Variants in RUBCN observed in about 807,000 individuals in gnomAD.
RUBCN encodes rubicon autophagy regulator.
A neutral mutation model predicts 113.2 loss-of-function variants in RUBCN; 74 were observed. That is an observed-to-expected ratio of 0.65 (90% CI 0.54 to 0.79). The LOEUF is 0.79. Among genes scored for constraint, RUBCN ranks in the 30% least tolerant of loss-of-function variants. The pLI, the probability that RUBCN is intolerant of heterozygous loss-of-function variation, is 0.00. For missense variants in RUBCN, 1,109 were observed against 1,251.7 expected, an observed-to-expected ratio of 0.89 and a Z score of 1.72; for synonymous variants, 480 against 490.0, an observed-to-expected ratio of 0.98 and a Z score of 0.27.
At position 197,682,458 on chromosome 3, in the gene RUBCN, C is replaced by A. The variant is rs2108852156; in HGVS notation, c.2126+12G>T. 6.2e-7 allele frequency: 1 copy of A among 1,614,152 alleles called. No individual in the cohort carries two copies. The highest frequency in any genetic ancestry group is 2.2e-5 in the East Asian group (1 of 44,878). ...ATCTGTGCTCCAAAGGGCACAGACA[C>A]TGGCCACTCACGTTGGGGCTGGATG... On this transcript the variant is annotated intron_variant, in intron 14 of 19. Transcript: ENST00000296343.
At chr3:197,726,160 T>C (rs1013011998) in intron 1 of RUBCN, among the ~76,000 whole-genome samples, 3 of 152,258 alleles carry the variant, frequency 2.0e-5, no homozygotes, top group African/African-American at 4.8e-5. Context: ...TTTAAGACTG[T>C]TGTTTAATAT....
intron 9 of RUBCN, among the ~76,000 whole-genome samples, 159 bp from the exon 10 acceptor site, chr3:197,694,744 A>G (rs935572176): frequency 2.4e-4 from 37 of 152,160 alleles, no homozygotes; most frequent in Non-Finnish European, 4.9e-4. Flanking sequence ...GATGGCTGGA[A>G]AACCTATTCT....
intron 11 of RUBCN, among the ~76,000 whole-genome samples, chr3:197,685,536 ACTT>A (rs1721743515): frequency 6.6e-6 from 1 of 152,206 alleles, no homozygotes; most frequent in Non-Finnish European, 1.5e-5. Context: ...GCTCTAAAAT[ACTT>A]AACACAGGGC....
At chr3:197,714,583 A>G (rs1038020038) in intron 2 of RUBCN, among the ~76,000 whole-genome samples, 1 of 152,192 alleles carries the variant, frequency 6.6e-6, no homozygotes, top group Non-Finnish European at 1.5e-5. Flanking sequence ...TCCTGCCTCA[A>G]CTTCCCGAAG....
At position 197,674,435 on chromosome 3, in the gene RUBCN, C is replaced by A; in HGVS notation, c.*583G>T. 2.7e-6 allele frequency: 1 copy of A among 375,464 alleles called. No individual in the cohort carries two copies. Among genetic ancestry groups the A allele is most frequent in the South Asian group, 2.2e-5 (1 of 45,794 alleles). The allele number at this position is 375,464 out of a possible 1,614,324, so 23.3% of individuals were successfully genotyped here. ...GCTGCCTCTGAGGTCTCTGAGGAGTCTAGGATAGTCAGGATTGTTCTGTGG... is the reference window on the plus strand; with the variant it reads ...GCTGCCTCTGAGGTCTCTGAGGAGTATAGGATAGTCAGGATTGTTCTGTGG... On this transcript the variant is annotated 3_prime_UTR_variant, in exon 20 of 20. Coordinates refer to ENST00000296343, the MANE Select transcript of RUBCN (RefSeq NM_014687.4).
chr3:197,738,493 T>C (rs999462018), upstream of RUBCN, among the ~76,000 whole-genome samples: 1 of 152,194 alleles, frequency 6.6e-6, no homozygotes, highest in Admixed American at 6.6e-5. Context: ...GTTAAAAAAA[T>C]ACTCTCTTTC....
At position 197,681,257 on chromosome 3, in the gene RUBCN, A is replaced by C; in HGVS notation, c.2302T>G (p.Phe768Val). 1.2e-6 allele frequency: 2 copies of C among 1,614,152 alleles called. No homozygotes were observed. Among genetic ancestry groups the C allele is most frequent in the Middle Eastern group, 1.6e-4 (1 of 6,062 alleles). ...AAGTTGCTGACGTAGTACTTGCTGA[A>C]GTCCCACTTGCGCAGAACCCGGCTG... ...IPSRVLRKWDFSKYYVSNFSK... is the reference protein window; with the variant it reads ...IPSRVLRKWDVSKYYVSNFSK... The change falls in exon 16 of 20, where the codon TTC becomes GTC. Residue 768 changes from phenylalanine (F) to valine (V), a missense_variant. Phe to Val is a conservative substitution (Grantham distance 50). Around this residue, in one of 3 missense-constraint regions of RUBCN, gnomAD observed 306 missense variants for 348.9 expected, o/e 0.88. Coordinates refer to ENST00000296343, the MANE Select transcript of RUBCN (RefSeq NM_014687.4). The surrounding 1 kb of genome is among the most constrained non-coding windows in gnomAD (Gnocchi z 5.5).
At position 197,672,954 on chromosome 3, in the gene RUBCN, G is replaced by T. The variant is rs938608003; in HGVS notation, c.*2064C>A. 6.6e-6 allele frequency: 1 copy of T among 152,370 alleles called. No homozygotes were observed. The highest frequency in any genetic ancestry group is 1.5e-5 in the Non-Finnish European group (1 of 68,158). 9.4% of individuals were successfully genotyped at this position (152,370 alleles called of 1,614,324 possible). On this transcript the variant is annotated 3_prime_UTR_variant, in exon 20 of 20. Coordinates refer to ENST00000296343, the MANE Select transcript of RUBCN (RefSeq NM_014687.4). Reference sequence around the variant, plus strand: ...GATCCGCCCGCACTGGCCTCCCAAAGTGCTGGGATTACAGGTGTGAGCCAC... The same window carrying T: ...GATCCGCCCGCACTGGCCTCCCAAATTGCTGGGATTACAGGTGTGAGCCAC...
At chr3:197,696,466 G>A (rs150930873) in intron 8 of RUBCN, among the ~76,000 whole-genome samples, 60 of 152,088 alleles carry the variant, frequency 3.9e-4, no homozygotes, top group African/African-American at 1.3e-3. Flanking sequence ...AATAAACAGA[G>A]AGAATCCTTC....
rs934654159 is a variant in RUBCN at position 197,675,283 on chromosome 3, G to A, written c.2741-87C>T. The A allele has an allele frequency of 4.5e-6, 7 of 1,560,484 alleles. No individual in the cohort carries two copies. In the Admixed American group the frequency reaches 5.0e-5, roughly 11 times the overall value. On this transcript the variant is annotated intron_variant, in intron 19 of 19. Transcript: ENST00000296343. The surrounding 1 kb of genome is among the most constrained non-coding windows in gnomAD (Gnocchi z 4.4). Reference sequence around the variant, plus strand: ...TCAGTTGCTGCCACAGCCCCTTCTCGCCACCAAGGCGTGGTGTCCCCTGGG... The same window carrying A: ...TCAGTTGCTGCCACAGCCCCTTCTCACCACCAAGGCGTGGTGTCCCCTGGG...
intron 11 of RUBCN, among the ~76,000 whole-genome samples, chr3:197,690,835 A>C (rs896563662): frequency 6.6e-6 from 1 of 152,224 alleles, no homozygotes; most frequent in Non-Finnish European, 1.5e-5. Context: ...ATAGGGAAGG[A>C]TCACCAAGGA....
intron 1 of RUBCN, among the ~76,000 whole-genome samples, chr3:197,722,124 T>A (rs1726238786): frequency 6.6e-6 from 1 of 151,746 alleles, no homozygotes; most frequent in Non-Finnish European, 1.5e-5. Context: ...GTGCATGTAA[T>A]CCCAGCTACA....
chr3:197,702,733 A>G (rs142999066), intron 5 of RUBCN, among the ~76,000 whole-genome samples: 83 of 152,288 alleles, frequency 5.5e-4, no homozygotes, highest in African/African-American at 1.9e-3. Context: ...TGCTTCTCTA[A>G]GAAGTGGGGA....
upstream of RUBCN, among the ~76,000 whole-genome samples, chr3:197,739,769 G>A (rs1728448261): frequency 6.6e-6 from 1 of 152,202 alleles, no homozygotes; most frequent in South Asian, 2.1e-4. Flanking sequence ...CAGAAGCGGT[G>A]GCTCACGCCT....
chr3:197,701,654 T>C (rs1469579204), intron 6 of RUBCN, 54 bp downstream of exon 6: 1 of 1,568,394 alleles, frequency 6.4e-7, no homozygotes, highest in African/African-American at 1.4e-5. Context: ...CAAAGTCTTC[T>C]TACTTTCCAG....
In RUBCN at chr3:197,717,975, A is replaced by C; in HGVS notation, c.219+2T>G. 1 of 1,613,640 alleles carries C rather than the reference A, an allele frequency of 6.2e-7. No homozygotes were observed. Among genetic ancestry groups the C allele is most frequent in the Non-Finnish European group, 8.5e-7 (1 of 1,180,034 alleles). ...TCTGGCAAAAAAAGGAGTTCTGCAT[A>C]CCTGGTCACGGATAAGCCCGTGATA... On this transcript the variant is annotated splice_donor_variant, in intron 2 of 19. Transcript: ENST00000296343. LOFTEE classifies it high-confidence loss of function.
intron 12 of RUBCN, 33 bp downstream of exon 12, chr3:197,684,124 C>T: frequency 6.5e-7 from 1 of 1,540,466 alleles, no homozygotes; most frequent in South Asian, 1.1e-5. Context: ...CTAAGGTTTT[C>T]TTTTCTTTTT....
chr3:197,697,102 T>C, intron 7 of RUBCN, 53 bp from the exon 8 acceptor site: 2 of 895,594 alleles, frequency 2.2e-6, no homozygotes, highest in Non-Finnish European at 3.8e-6. Flanking sequence ...GAGCAACAGG[T>C]ACATTCCCAA....
chr3:197,726,175 T>C (rs1306163471), intron 1 of RUBCN, among the ~76,000 whole-genome samples: 2 of 152,270 alleles, frequency 1.3e-5, no homozygotes, highest in Non-Finnish European at 2.9e-5. Context: ...TAATATTACA[T>C]AGCTTGTTTC....
Sources: gnomAD v4.1 joint callset for allele counts (sites outside exome capture counted in the v4.1 genomes callset) on GRCh38, gnomAD v4.1.1 for gene constraint, gnomAD v4.1.1 regional missense constraint, Gnocchi (gnomAD v3.1) non-coding constraint, MANE v1.5 for transcripts, NCBI Gene and HGNC (gene_info 2026-07-23, HGNC 2026-07-21) for gene names.